Variants in DMD observed in about 807,000 individuals in gnomAD.
The protein encoded by DMD is mutant dystrophin.
In DMD, 63 loss-of-function variants were observed where a neutral mutation model predicts 330.1. The observed-to-expected ratio is 0.19, with a 90% CI of 0.16 to 0.24. DMD has a LOEUF of 0.24. Ranked by LOEUF, DMD falls within the 10% of genes least tolerant of loss-of-function variation. The pLI is 1.00. For missense variants in DMD, 3,344 were observed against 2,684.1 expected, an observed-to-expected ratio of 1.25 and a Z score of -5.43; for synonymous variants, 1,223 against 959.8, an observed-to-expected ratio of 1.27 and a Z score of -5.07.
chrX:31,691,916 C>G (rs1033907379), intron 52 of DMD, among the ~76,000 whole-genome samples: 1 of 111,142 alleles, frequency 9.0e-6, no homozygotes, highest in Non-Finnish European at 1.9e-5. Flanking sequence ...CATTTTAGAC[C>G]AAATGGACCT....
At chrX:31,736,670 CAAAT>C (rs1438490420) in intron 51 of DMD, among the ~76,000 whole-genome samples, 1 of 111,647 alleles carries the variant, frequency 9.0e-6, no homozygotes, top group Non-Finnish European at 1.9e-5. Flanking sequence ...ATCTAGCAAA[CAAAT>C]ACTCATAAAC....
At chrX:31,588,748 GC>G (rs1448416539) in intron 55 of DMD, among the ~76,000 whole-genome samples, 1 of 110,149 alleles carries the variant, frequency 9.1e-6, no homozygotes, top group Non-Finnish European at 1.9e-5. Flanking sequence ...AAAATACCCT[GC>G]CCCTCCCAAC....
rs145257954 is a variant in DMD at position 31,472,920 on chromosome X, C to T, written c.8937+5186G>A. ...TGCGATATGCATAACTACATAGATG[C>T]GACAGATTTGCATATTCCAAGATGG... On this transcript the variant is annotated intron_variant, in intron 59 of 78. Transcript: ENST00000357033. Among the ~76,000 whole-genome samples, 434 of 112,162 alleles carry T rather than the reference C, an allele frequency of 3.9e-3. 3 individuals are homozygous for T. The highest frequency in any genetic ancestry group is 0.014 in the Middle Eastern group (3 of 217).
At chrX:31,177,525 A>C (rs1311648106) in intron 71 of DMD, among the ~76,000 whole-genome samples, 1 of 111,855 alleles carries the variant, frequency 8.9e-6, no homozygotes, top group Non-Finnish European at 1.9e-5. Context: ...AGATTCTAAA[A>C]AGCATCGAAT....
Position 32,454,762 on chromosome X carries a change from T to G in DMD, c.3503A>C (p.Glu1168Ala). The change falls in exon 26 of 79, where the codon GAG (glutamate) becomes GCG (alanine). Residue 1168 changes from glutamate to alanine, a missense_variant. Glu to Ala is a moderately radical substitution (Grantham distance 107). Transcript: ENST00000357033. Reference sequence around the variant, plus strand: ...AGCTTGTGTCATCCATTCGTGCATCTCTGATAGATCTTTCTGGAGGCTTAC... The same window carrying G: ...AGCTTGTGTCATCCATTCGTGCATCGCTGATAGATCTTTCTGGAGGCTTAC... ...KTVSLQKDLS[E>A]MHEWMTQAEE... is the part of the protein sequence containing the mutation. 8.3e-7 allele frequency: 1 copy of G among 1,206,998 alleles called. No homozygotes were observed. The highest frequency in any genetic ancestry group is 1.1e-6 in the Non-Finnish European group (1 of 892,489).
chrX:31,476,416 TATATACACACACAC>T (rs1458778649), intron 59 of DMD, among the ~76,000 whole-genome samples: 1 of 98,786 alleles, frequency 1.0e-5, no homozygotes, highest in African/African-American at 3.8e-5. Flanking sequence ...TATATATATA[TATATACACACACAC>T]ACACACATAC....
At chrX:33,201,543 G>A (rs190507588) in intron 1 of DMD, among the ~76,000 whole-genome samples, 127 of 111,279 alleles carry the variant, frequency 1.1e-3, no homozygotes, top group African/African-American at 4.0e-3. Flanking sequence ...AATATTAATA[G>A]TCCACGTTAC....
chrX:33,023,371 G>A (rs1048502931), intron 1 of DMD, among the ~76,000 whole-genome samples: 2 of 111,182 alleles, frequency 1.8e-5, no homozygotes, highest in African/African-American at 6.5e-5. Flanking sequence ...AAACCTTTAT[G>A]ACTTTTGCTA....
intron 51 of DMD, among the ~76,000 whole-genome samples, chrX:31,743,536 T>C (rs762918839): frequency 1.4e-3 from 152 of 112,155 alleles, no homozygotes; most frequent in African/African-American, 4.4e-3. Flanking sequence ...CAAAATCATG[T>C]CCTTTGCAGC....
intron 43 of DMD, among the ~76,000 whole-genome samples, chrX:32,275,023 C>T (rs1355770327): frequency 9.0e-6 from 1 of 111,498 alleles, no homozygotes; most frequent in East Asian, 2.8e-4. Context: ...CTCTATTTGG[C>T]TCACAATCAC....
At chrX:32,577,837 G>C (rs1311409528) in intron 13 of DMD, among the ~76,000 whole-genome samples, 1 of 112,465 alleles carries the variant, frequency 8.9e-6, no homozygotes, top group Admixed American at 9.4e-5. Flanking sequence ...ACTGATCTCA[G>C]TGTAAGCGGA....
chrX:32,735,223 T>A (rs2068285628), intron 7 of DMD, among the ~76,000 whole-genome samples: 1 of 108,852 alleles, frequency 9.2e-6, no homozygotes, highest in Non-Finnish European at 1.9e-5. Flanking sequence ...GTGAAGGACC[T>A]CTTCGAGGAG....
intron 16 of DMD, among the ~76,000 whole-genome samples, chrX:32,554,394 A>G (rs975200114): frequency 9.0e-6 from 1 of 111,607 alleles, no homozygotes; most frequent in Admixed American, 9.5e-5. Context: ...AAGAAAAGAG[A>G]GAAGAATCAA....
intron 6 of DMD, among the ~76,000 whole-genome samples, chrX:32,813,106 A>G (rs2077489200): frequency 8.9e-6 from 1 of 111,778 alleles, no homozygotes. Context: ...TGGATATCTT[A>G]TCTAAGTCAT....
intron 2 of DMD, among the ~76,000 whole-genome samples, chrX:32,850,753 A>T (rs1354671938): frequency 8.9e-6 from 1 of 111,852 alleles, no homozygotes; most frequent in African/African-American, 3.3e-5. Context: ...TTTTCTGCTT[A>T]AAACCCTACA....
Position 31,433,711 on chromosome X carries a change from G to A in DMD, c.9084+10770C>T, listed in dbSNP as rs185331996. Among the ~76,000 whole-genome samples the A allele has an allele frequency of 2.7e-5, 3 of 110,966 alleles. No homozygotes were observed. The Admixed American group carries it at 2.9e-4, about 11-fold the overall frequency. ...TAACCTCAGGTGATCCACCCACCTC[G>A]ACCTCCCAAAGTGCTGGGATCACAG... is the stretch of plus-strand genomic sequence containing the variant. On this transcript the variant is annotated intron_variant, in intron 60 of 78. Coordinates refer to ENST00000357033, the MANE Select transcript of DMD (RefSeq NM_004006.3).
chrX:32,751,295 T>A (rs889346155), intron 7 of DMD, among the ~76,000 whole-genome samples: 1 of 110,821 alleles, frequency 9.0e-6, no homozygotes, highest in Non-Finnish European at 1.9e-5. Flanking sequence ...CTGATAATGA[T>A]GTAGAGAATG....
intron 2 of DMD, among the ~76,000 whole-genome samples, chrX:32,958,952 G>T (rs1449736332): frequency 9.2e-6 from 1 of 109,282 alleles, no homozygotes; most frequent in Non-Finnish European, 1.9e-5. Flanking sequence ...AGGCATACAG[G>T]AATTTTTTGG....
At chrX:33,330,646 T>TA (rs1487210020) in intron 1 of DMD, among the ~76,000 whole-genome samples, 1 of 112,044 alleles carries the variant, frequency 8.9e-6, no homozygotes, top group Non-Finnish European at 1.9e-5. Context: ...TAATCATATT[T>TA]AATATCATTG....
Sources: allele counts gnomAD v4.1 joint callset (sites outside exome capture counted in the v4.1 genomes callset), GRCh38; gene constraint gnomAD v4.1.1; transcripts MANE v1.5; gene names NCBI Gene and HGNC (gene_info 2026-07-23, HGNC 2026-07-21).